BRD10: variants seen among roughly 807,000 people sequenced by gnomAD.
The protein encoded by BRD10 is bromodomain containing 10, also known as uncharacterized bromodomain-containing protein 10.
chr9:6,000,110 G>T, the BRD10 span, among the ~76,000 whole-genome samples: 1 of 152,030 alleles, frequency 6.6e-6, no homozygotes, highest in Non-Finnish European at 1.5e-5. Flanking sequence ...AACTACCTAG[G>T]ATCTTTCTAG....
the BRD10 span, chr9:5,908,759 G>T: frequency 6.5e-7 from 1 of 1,544,234 alleles, no homozygotes; most frequent in Non-Finnish European, 9.0e-7. Context: ...TCACACTTTT[G>T]CTTGAATTTA....
chr9:5,893,920 G>A, the BRD10 span, among the ~76,000 whole-genome samples: 14 of 125,904 alleles, frequency 1.1e-4, no homozygotes, highest in East Asian at 1.8e-3. Flanking sequence ...CCCCCGCCCC[G>A]TGGCACCCAC....
chr9:5,922,380 T>C, the BRD10 span: 1 of 1,614,024 alleles, frequency 6.2e-7, no homozygotes. Flanking sequence ...CCTGCCTCAC[T>C]CTGGCTAGTC....
chr9:5,957,895 A>G, the BRD10 span, among the ~76,000 whole-genome samples: 4 of 152,316 alleles, frequency 2.6e-5, no homozygotes, highest in East Asian at 7.7e-4. Flanking sequence ...AGGGCAAGTT[A>G]CATACTACCA....
the BRD10 span, among the ~76,000 whole-genome samples, chr9:5,965,719 G>C: frequency 6.6e-6 from 1 of 152,142 alleles, no homozygotes; most frequent in South Asian, 2.1e-4. Flanking sequence ...CTCTACTAAA[G>C]GACAATGTGA....
At chr9:5,883,692 G>T in the BRD10 span, among the ~76,000 whole-genome samples, 19 of 151,824 alleles carry the variant, frequency 1.3e-4, no homozygotes, top group Non-Finnish European at 2.4e-4. Flanking sequence ...GGCTGGTCTT[G>T]AACTCCTGGA....
chr9:5,967,112 G>T, the BRD10 span, among the ~76,000 whole-genome samples: 1 of 151,858 alleles, frequency 6.6e-6, no homozygotes, highest in Non-Finnish European at 1.5e-5. Flanking sequence ...TCTTACTTTT[G>T]CTACTGAAGA....
the BRD10 span, among the ~76,000 whole-genome samples, chr9:5,986,901 C>G: frequency 1.3e-5 from 2 of 152,112 alleles, no homozygotes; most frequent in Non-Finnish European, 2.9e-5. Flanking sequence ...GAATTCACTG[C>G]TTTTTCCCCT....
chr9:5,928,257 A>G, the BRD10 span, among the ~76,000 whole-genome samples: 1 of 152,140 alleles, frequency 6.6e-6, no homozygotes, highest in South Asian at 2.1e-4. Context: ...CTGCACTGCT[A>G]CTATCCTAGT....
chr9:5,949,025 C>CA, the BRD10 span, among the ~76,000 whole-genome samples: 2 of 152,038 alleles, frequency 1.3e-5, no homozygotes, highest in Non-Finnish European at 2.9e-5. Context: ...TGATTAAACA[C>CA]AGATGTTTCT....
At chr9:5,929,248 A>C in the BRD10 span, 1 of 676,672 alleles carries the variant, frequency 1.5e-6, no homozygotes, top group Non-Finnish European at 2.6e-6. Flanking sequence ...AAAAACACCA[A>C]TACTCCATAA....
the BRD10 span, among the ~76,000 whole-genome samples, chr9:5,998,314 T>A: frequency 1.3e-5 from 2 of 152,120 alleles, no homozygotes; most frequent in Admixed American, 6.5e-5. Context: ...CTATTACGAA[T>A]ATAAACACTA....
chr9:5,961,788 A>T, the BRD10 span, among the ~76,000 whole-genome samples: 3 of 152,220 alleles, frequency 2.0e-5, no homozygotes, highest in Non-Finnish European at 4.4e-5. Flanking sequence ...TCTGAAAAGC[A>T]GATTAAAATG....
the BRD10 span, among the ~76,000 whole-genome samples, chr9:5,897,288 C>T: frequency 6.6e-6 from 1 of 152,210 alleles, no homozygotes; most frequent in Non-Finnish European, 1.5e-5. Flanking sequence ...TATGGCACTT[C>T]TCATACCTGG....
At chr9:5,896,444 T>G in the BRD10 span, among the ~76,000 whole-genome samples, 14 of 152,160 alleles carry the variant, frequency 9.2e-5, no homozygotes, top group African/African-American at 3.1e-4. Flanking sequence ...TCTATCCTGT[T>G]TGGAGACGGA....
chr9:5,995,261 C>G, the BRD10 span, among the ~76,000 whole-genome samples: 1 of 152,174 alleles, frequency 6.6e-6, no homozygotes, highest in African/African-American at 2.4e-5. Flanking sequence ...CTGCCCATAA[C>G]TTATTTCAGA....
the BRD10 span, among the ~76,000 whole-genome samples, chr9:5,893,308 G>A: frequency 6.6e-6 from 1 of 152,136 alleles, no homozygotes; most frequent in Non-Finnish European, 1.5e-5. Context: ...CAGGGGCAGG[G>A]GAGGCCCCAC....
the BRD10 span, chr9:5,968,456 G>C: frequency 6.2e-7 from 1 of 1,611,850 alleles, no homozygotes; most frequent in Non-Finnish European, 8.5e-7. Flanking sequence ...TGGACTCCTT[G>C]GTTTCTCTAA....
the BRD10 span, among the ~76,000 whole-genome samples, chr9:5,991,953 C>G: frequency 1.3e-5 from 2 of 152,148 alleles, no homozygotes; most frequent in African/African-American, 2.4e-5. Context: ...ACAACTGTTT[C>G]CATGCATCTT....
Sources: allele counts gnomAD v4.1 joint callset (sites outside exome capture counted in the v4.1 genomes callset), GRCh38; gene constraint gnomAD v4.1.1; transcripts MANE v1.5; gene names NCBI Gene and HGNC (gene_info 2026-07-23, HGNC 2026-07-21).